The following TLN2 variants were observed in gnomAD, a reference collection of about 807,000 sequenced individuals.
TLN2 encodes the protein talin 2.
TLN2 carries 118 observed loss-of-function variants against 294.7 expected under a neutral mutation model. That is an observed-to-expected ratio of 0.40 (90% CI 0.34 to 0.47). TLN2 has a LOEUF of 0.47. Ranked by LOEUF, TLN2 falls within the 20% of genes least tolerant of loss-of-function variation. TLN2 has a pLI of 0.84. For synonymous variants in TLN2, 1,431 were observed against 1,304.5 expected (o/e 1.10, Z -2.09); for missense variants, 3,083 against 3,282.2 (o/e 0.94, Z 1.48).
intron 1 of TLN2, among the ~76,000 whole-genome samples, chr15:62,552,249 T>A (rs952333839): frequency 1.3e-5 from 2 of 152,234 alleles, no homozygotes; most frequent in African/African-American, 4.8e-5. Context: ...TATATTTTTA[T>A]TCTATTGTTA....
In TLN2 at chr15:62,797,312, G is replaced by A. The variant is rs747600738; in HGVS notation, c.6144G>A (p.Ala2048=). The A allele has an allele frequency of 1.2e-5, 20 of 1,613,506 alleles. No homozygotes were observed. The highest frequency in any genetic ancestry group is 1.6e-5 in the Non-Finnish European group (19 of 1,180,000). Residue 2048 remains alanine, a synonymous_variant, in exon 48 of 59, where the codon GCG becomes GCA. Transcript: ENST00000636159. The part of the protein sequence containing the change: ...AASTPDKLAQ[A]AQSSAATITQ... ...CCACTCCTGACAAGCTGGCCCAGGCGGCCCAGTCCTCAGCAGCCACCATCA... is the reference window on the plus strand; with the variant it reads ...CCACTCCTGACAAGCTGGCCCAGGCAGCCCAGTCCTCAGCAGCCACCATCA...
At position 62,678,112 on chromosome 15, in the gene TLN2, A is replaced by G. The variant is rs529469567; in HGVS notation, c.957+2791A>G. On this transcript the variant is annotated intron_variant, in intron 11 of 58. Coordinates refer to ENST00000636159, the MANE Select transcript of TLN2 (RefSeq NM_015059.3). ...CCCTGGCCAAGCACTTGCAACTTCT[A>G]TATACATATTAAATATTCAAATTGT... Among the ~76,000 whole-genome samples the G allele has an allele frequency of 1.1e-3, 161 of 152,048 alleles. 1 individual carries two copies. The highest frequency in any genetic ancestry group is 9.6e-4 in the Non-Finnish European group (65 of 68,006).
At chr15:62,488,156 A>G (rs1474635719) in intron 1 of TLN2, among the ~76,000 whole-genome samples, 2 of 152,204 alleles carry the variant, frequency 1.3e-5, no homozygotes, top group Non-Finnish European at 2.9e-5. Flanking sequence ...TAATAGAGAA[A>G]ATGGTACTTT....
At chr15:62,664,799 A>G (rs1176427371) in intron 9 of TLN2, among the ~76,000 whole-genome samples, 2 of 136,550 alleles carry the variant, frequency 1.5e-5, no homozygotes, top group Non-Finnish European at 3.1e-5. Context: ...CGGAGGTTGC[A>G]GTGAGCTGAG....
intron 1 of TLN2, among the ~76,000 whole-genome samples, chr15:62,396,788 T>A (rs2032585486): frequency 6.6e-6 from 1 of 151,954 alleles, no homozygotes; most frequent in African/African-American, 2.4e-5. Context: ...CACTGCAACC[T>A]CCACCTCCTG....
chr15:62,781,385 AT>A, intron 44 of TLN2, 144 bp downstream of exon 44: 2 of 614,630 alleles, frequency 3.3e-6, no homozygotes, highest in Middle Eastern at 8.8e-4. Flanking sequence ...TCTGTCCTTT[AT>A]CTGTGGTCTT....
chr15:62,579,140 G>C (rs2044694660), intron 1 of TLN2, among the ~76,000 whole-genome samples: 1 of 152,106 alleles, frequency 6.6e-6, no homozygotes, highest in East Asian at 1.9e-4. Flanking sequence ...AGAAGAGGAA[G>C]TACAGTTTGT....
intron 1 of TLN2, among the ~76,000 whole-genome samples, chr15:62,579,958 G>A (rs545584971): frequency 3.9e-5 from 6 of 152,244 alleles, no homozygotes; most frequent in East Asian, 3.9e-4. Context: ...TGTTCAACCC[G>A]AGTGCTCTGA....
intron 1 of TLN2, among the ~76,000 whole-genome samples, chr15:62,444,721 G>A (rs1190890016): frequency 1.3e-5 from 2 of 152,204 alleles, no homozygotes; most frequent in South Asian, 2.1e-4. Context: ...TGACTTACTA[G>A]AAAAAGGCAG....
intron 2 of TLN2, among the ~76,000 whole-genome samples, chr15:62,616,750 C>G (rs1423264084): frequency 1.3e-5 from 2 of 152,186 alleles, no homozygotes; most frequent in African/African-American, 4.8e-5. Context: ...ACATTTGTCT[C>G]TTTGCTTCTT....
intron 2 of TLN2, among the ~76,000 whole-genome samples, chr15:62,602,199 C>T (rs1446086228): frequency 6.6e-6 from 1 of 152,168 alleles, no homozygotes; most frequent in Non-Finnish European, 1.5e-5. Flanking sequence ...ATGTGAAATT[C>T]AGATGGGCAG....
chr15:62,599,048 C>G (rs1291082245), intron 2 of TLN2, among the ~76,000 whole-genome samples: 2 of 152,176 alleles, frequency 1.3e-5, no homozygotes, highest in Admixed American at 1.3e-4. Flanking sequence ...GGATGGAGTT[C>G]CTCCTTGTCA....
At chr15:62,489,078 T>C (rs979307573) in intron 1 of TLN2, among the ~76,000 whole-genome samples, 57 of 152,246 alleles carry the variant, frequency 3.7e-4, no homozygotes, top group African/African-American at 1.3e-3. Context: ...GGAGAATCAC[T>C]TGAACCTGGC....
At chr15:62,708,350 A>G (rs1020675267) in intron 20 of TLN2, 152 bp from the exon 21 acceptor site, 1 of 727,062 alleles carries the variant, frequency 1.4e-6, no homozygotes, top group African/African-American at 1.8e-5. Context: ...TCATTGAATG[A>G]AATGGTCAGG....
intron 10 of TLN2, among the ~76,000 whole-genome samples, chr15:62,674,747 C>G (rs2055950557): frequency 6.6e-6 from 1 of 152,160 alleles, no homozygotes; most frequent in Non-Finnish European, 1.5e-5. Flanking sequence ...AATGATCTAG[C>G]CACCTTGGCC....
intron 1 of TLN2, among the ~76,000 whole-genome samples, chr15:62,464,356 A>G (rs1451314776): frequency 6.6e-6 from 1 of 152,176 alleles, no homozygotes; most frequent in Non-Finnish European, 1.5e-5. Context: ...TCTCACTCAT[A>G]GGTGGGAATT....
intron 16 of TLN2, among the ~76,000 whole-genome samples, chr15:62,700,140 A>G (rs1427281904): frequency 6.6e-6 from 1 of 152,242 alleles, no homozygotes; most frequent in Non-Finnish European, 1.5e-5. Context: ...TCCAGAGTAC[A>G]AACATGTATG....
At chr15:62,471,198 A>G (rs922762612) in intron 1 of TLN2, among the ~76,000 whole-genome samples, 1 of 152,170 alleles carries the variant, frequency 6.6e-6, no homozygotes, top group African/African-American at 2.4e-5. Flanking sequence ...TTAGCTGGGC[A>G]TGATGGCGTG....
At chr15:62,693,050 C>A in intron 13 of TLN2, 109 bp downstream of exon 13, 1 of 903,862 alleles carries the variant, frequency 1.1e-6, no homozygotes. Context: ...ATACTTGAGG[C>A]CAGGCATGGT....
Sources: gnomAD v4.1 joint callset for allele counts (sites outside exome capture counted in the v4.1 genomes callset) on GRCh38, gnomAD v4.1.1 for gene constraint, MANE v1.5 for transcripts, NCBI Gene and HGNC (gene_info 2026-07-23, HGNC 2026-07-21) for gene names.